Variants in NEIL3 observed in about 807,000 individuals in gnomAD.
The protein encoded by NEIL3 is endonuclease 8-like 3.
Under a neutral mutation model 57.5 loss-of-function variants are expected in NEIL3, and 48 were observed. The ratio of observed to expected loss-of-function variants is 0.83; its 90% confidence interval spans 0.66 to 1.06. The LOEUF (loss-of-function observed/expected upper bound fraction) is 1.06. NEIL3 is among the 50% of genes least tolerant of loss of function. NEIL3 has a pLI of 0.00. For synonymous variants in NEIL3, 261 were observed against 253.2 expected (o/e 1.03, Z -0.29); for missense variants, 717 against 739.1 (o/e 0.97, Z 0.35).
chr4:177,331,214 A>G (rs1313815071), intron 2 of NEIL3, among the ~76,000 whole-genome samples: 2 of 152,112 alleles, frequency 1.3e-5, no homozygotes, highest in African/African-American at 2.4e-5. Context: ...TTTAAGGAAC[A>G]TGCTCTGTTT....
intron 1 of NEIL3, among the ~76,000 whole-genome samples, chr4:177,320,536 G>A (rs966493814): frequency 6.9e-6 from 1 of 144,796 alleles, no homozygotes; most frequent in Non-Finnish European, 1.5e-5. Flanking sequence ...GGTGTGCAGT[G>A]GCGTGATCTC....
downstream of NEIL3, among the ~76,000 whole-genome samples, chr4:177,363,501 C>T (rs1399333218): frequency 6.6e-6 from 1 of 152,138 alleles, no homozygotes; most frequent in Admixed American, 6.5e-5. Flanking sequence ...CAGAACAGAC[C>T]AGGAACTGGA....
chr4:177,335,599 A>G, intron 2 of NEIL3, 89 bp from the exon 3 acceptor site: 1 of 1,220,474 alleles, frequency 8.2e-7, no homozygotes, highest in South Asian at 1.4e-5. Flanking sequence ...TTGTTTGCTT[A>G]TAATCCAAAA....
At chr4:177,365,537 T>C (rs1256279709), downstream of NEIL3, among the ~76,000 whole-genome samples, 1 of 152,082 alleles carries the variant, frequency 6.6e-6, no homozygotes, top group African/African-American at 2.4e-5. Context: ...CCCTCCAAAA[T>C]TTGGGTGACT....
In NEIL3 at chr4:177,341,619, A is replaced by C; in HGVS notation, c.846A>C (p.Glu282Asp). Residue 282 changes from glutamate (E) to aspartate (D), a missense_variant, in exon 6 of 10, where the codon GAA becomes GAC. Transcript: ENST00000264596. ...ATTTCTGTCCTCACTGTCAAAAAGAAAATCCTCAACATGTTGACATATGGT... is the reference window on the plus strand; with the variant it reads ...ATTTCTGTCCTCACTGTCAAAAAGACAATCCTCAACATGTTGACATATGGT... ...MTYFCPHCQK[E>D]NPQHVDICKL... 2.5e-6 allele frequency: 4 copies of C among 1,613,426 alleles called. No individual in the cohort carries two copies. Among genetic ancestry groups the C allele is most frequent in the Non-Finnish European group, 3.4e-6 (4 of 1,179,786 alleles).
Position 177,362,755 on chromosome 4 carries a change from G to T in NEIL3, c.*284G>T. On this transcript the variant is annotated 3_prime_UTR_variant, in exon 10 of 10. Coordinates refer to ENST00000264596, the MANE Select transcript of NEIL3 (RefSeq NM_018248.3). The stretch of plus-strand genomic sequence containing the variant: ...AATGACGATAAAGTGTTTTTAGTAT[G>T]CTTTTAGTCTCTTGTAACTGGGGAG... 9.4e-6 allele frequency: 2 copies of T among 213,878 alleles called. No homozygotes were observed. The highest frequency in any genetic ancestry group is 1.5e-4 in the South Asian group (1 of 6,812). 13.2% of individuals were successfully genotyped at this position (213,878 alleles called of 1,614,324 possible).
chr4:177,357,281 C>G (rs538368026), intron 8 of NEIL3, among the ~76,000 whole-genome samples: 3 of 152,220 alleles, frequency 2.0e-5, no homozygotes, highest in East Asian at 3.9e-4. Context: ...CAAGCTTGTC[C>G]AACCATAGGC....
chr4:177,342,650 G>T (rs1418725190), intron 6 of NEIL3, among the ~76,000 whole-genome samples: 1 of 148,794 alleles, frequency 6.7e-6, no homozygotes, highest in Admixed American at 6.7e-5. Flanking sequence ...TCTCCCTACT[G>T]TACTTGACTA....
intron 6 of NEIL3, chr4:177,343,839 A>C (rs1735154197): frequency 6.6e-6 from 1 of 151,878 alleles, no homozygotes; most frequent in African/African-American, 2.4e-5. Context: ...TTTTTTATGA[A>C]CAGGAACTTT....
intron 4 of NEIL3, among the ~76,000 whole-genome samples, chr4:177,339,043 A>C (rs76529549): frequency 0.01 from 1,558 of 152,344 alleles, 20 homozygotes; most frequent in African/African-American, 0.035. Context: ...AATGGTACTA[A>C]ATAGATCCGT....
At chr4:177,327,233 T>A (rs916502751) in intron 2 of NEIL3, among the ~76,000 whole-genome samples, 1 of 152,206 alleles carries the variant, frequency 6.6e-6, no homozygotes, top group African/African-American at 2.4e-5. Flanking sequence ...TAAGCCTCTT[T>A]CCTTTATAAA....
intron 6 of NEIL3, among the ~76,000 whole-genome samples, chr4:177,346,725 A>G (rs1282842208): frequency 6.6e-6 from 1 of 152,128 alleles, no homozygotes; most frequent in African/African-American, 2.4e-5. Flanking sequence ...TTCTTGGGCC[A>G]GGTATGGTGG....
intron 1 of NEIL3, among the ~76,000 whole-genome samples, chr4:177,321,725 T>A (rs554382867): frequency 2.1e-4 from 32 of 152,322 alleles, no homozygotes; most frequent in African/African-American, 7.0e-4. Context: ...TTTTCTTTAT[T>A]CTTAACATTG....
downstream of NEIL3, among the ~76,000 whole-genome samples, chr4:177,365,823 A>G (rs1323901047): frequency 6.6e-6 from 1 of 152,188 alleles, no homozygotes; most frequent in Non-Finnish European, 1.5e-5. Flanking sequence ...CACAGTTTCC[A>G]TGAACCTATC....
chr4:177,339,652 C>A, intron 4 of NEIL3, 131 bp from the exon 5 acceptor site: 1 of 644,460 alleles, frequency 1.6e-6, no homozygotes, highest in Non-Finnish European at 2.7e-6. Flanking sequence ...AGTTCAAACC[C>A]ATGTTGTTCA....
At chr4:177,313,014 G>A (rs912575974) in intron 1 of NEIL3, among the ~76,000 whole-genome samples, 1 of 152,156 alleles carries the variant, frequency 6.6e-6, no homozygotes, top group African/African-American at 2.4e-5. Context: ...TGTCTCCTAG[G>A]CATTTATGCC....
chr4:177,363,278 G>A (rs897279492), downstream of NEIL3, among the ~76,000 whole-genome samples: 2 of 152,102 alleles, frequency 1.3e-5, no homozygotes, highest in African/African-American at 2.4e-5. Context: ...TTTTTTTAAA[G>A]GACAGCACAA....
At chr4:177,349,475 G>A (rs1735306413) in intron 6 of NEIL3, among the ~76,000 whole-genome samples, 1 of 152,016 alleles carries the variant, frequency 6.6e-6, no homozygotes, top group African/African-American at 2.4e-5. Context: ...CTTCTCTTTG[G>A]TGTGTATCAA....
chr4:177,347,728 G>C (rs1388738888), intron 6 of NEIL3, among the ~76,000 whole-genome samples: 1 of 152,018 alleles, frequency 6.6e-6, no homozygotes. Flanking sequence ...TAGGGTTAAG[G>C]CCAGAAATTT....
Sources: gnomAD v4.1 joint callset for allele counts (sites outside exome capture counted in the v4.1 genomes callset) on GRCh38, gnomAD v4.1.1 for gene constraint, MANE v1.5 for transcripts, NCBI Gene and HGNC (gene_info 2026-07-23, HGNC 2026-07-21) for gene names.